The following PCDH15 variants were observed in gnomAD, a reference collection of about 807,000 sequenced individuals.
PCDH15 encodes protocadherin related 15.
In PCDH15, 129 loss-of-function variants were observed where a neutral mutation model predicts 178.5. The observed-to-expected ratio is 0.72, with a 90% CI of 0.63 to 0.84. The LOEUF is 0.84. Ranked by LOEUF, PCDH15 falls within the 40% of genes least tolerant of loss-of-function variation. PCDH15 has a pLI of 0.00. For missense variants in PCDH15, 2,230 were observed against 2,099.9 expected, an observed-to-expected ratio of 1.06 and a Z score of -1.21; for synonymous variants, 800 against 732.0, an observed-to-expected ratio of 1.09 and a Z score of -1.50.
chr10:54,989,222 G>C (rs1006702394), intron 2 of PCDH15, among the ~76,000 whole-genome samples: 3 of 152,156 alleles, frequency 2.0e-5, no homozygotes, highest in African/African-American at 7.2e-5. Context: ...GCAGGGGTGG[G>C]GCCTTCATGA....
chr10:54,653,129 T>C (rs1275182181), intron 2 of PCDH15, among the ~76,000 whole-genome samples: 1 of 152,150 alleles, frequency 6.6e-6, no homozygotes, highest in South Asian at 2.1e-4. Flanking sequence ...CAAGAACAGA[T>C]GACTTAGATC....
At chr10:54,449,187 C>T (rs2076318868) in intron 3 of PCDH15, among the ~76,000 whole-genome samples, 1 of 151,714 alleles carries the variant, frequency 6.6e-6, no homozygotes, top group Admixed American at 6.6e-5. Context: ...ACTGACTCTT[C>T]CTTAGGTTTC....
intron 3 of PCDH15, among the ~76,000 whole-genome samples, chr10:54,818,335 T>C (rs929742824): frequency 6.6e-6 from 1 of 152,068 alleles, no homozygotes; most frequent in Non-Finnish European, 1.5e-5. Flanking sequence ...AAATCGTGCT[T>C]TCCAGACTAG....
chr10:55,506,427 A>G (rs892351741), intron 2 of PCDH15: 1 of 151,520 alleles, frequency 6.6e-6, no homozygotes, highest in Non-Finnish European at 1.5e-5. Flanking sequence ...GGATAATACT[A>G]TTTGTGTGTG....
chr10:53,822,023 A>G (rs1265145868), intron 32 of PCDH15: 2 of 1,613,832 alleles, frequency 1.2e-6, no homozygotes, highest in South Asian at 2.2e-5. Flanking sequence ...TTTCTATTTG[A>G]CTGTACATGT....
At chr10:54,299,195 AAGAGGAGGAGACAGAG>A (rs1418582922) in intron 8 of PCDH15, among the ~76,000 whole-genome samples, 1 of 152,068 alleles carries the variant, frequency 6.6e-6, no homozygotes, top group Non-Finnish European at 1.5e-5. Flanking sequence ...CAGAGAGACA[AAGAGGAGGAGACAGAG>A]AGAGGAAGAG....
chr10:54,231,052 C>T (rs967681593), intron 9 of PCDH15, among the ~76,000 whole-genome samples: 1 of 152,110 alleles, frequency 6.6e-6, no homozygotes, highest in Non-Finnish European at 1.5e-5. Flanking sequence ...CAATTAGAAG[C>T]AGAAATTTCA....
intron 2 of PCDH15, among the ~76,000 whole-genome samples, chr10:55,414,883 T>C (rs1461928237): frequency 1.3e-5 from 2 of 151,542 alleles, no homozygotes; most frequent in East Asian, 3.9e-4. Context: ...AGGATAGTTT[T>C]ACTTCTTCCT....
intron 15 of PCDH15, among the ~76,000 whole-genome samples, chr10:54,112,629 G>C (rs938739901): frequency 2.0e-5 from 3 of 152,110 alleles, no homozygotes; most frequent in Non-Finnish European, 4.4e-5. Context: ...CCCCTGCTCT[G>C]AGGATTTGGT....
At chr10:55,450,955 CTA>C (rs56986885) in intron 2 of PCDH15, among the ~76,000 whole-genome samples, 1,917 of 122,286 alleles carry the variant, frequency 0.016, 58 homozygotes, top group African/African-American at 0.057. Context: ...GGGGTAAGAA[CTA>C]TATATATATA....
In PCDH15 at chr10:55,135,746, C is replaced by T. The variant is rs1034261147; in HGVS notation, c.-80+30830G>A. On this transcript the variant is annotated intron_variant, in intron 2 of 5. Transcript: ENST00000458638. ...TACAGGCACACACCACCCTGCCTGGCTAATTTTTTGTATTTTTAGTAGAAA... is the reference window on the plus strand; with the variant it reads ...TACAGGCACACACCACCCTGCCTGGTTAATTTTTTGTATTTTTAGTAGAAA... 2.6e-5 allele frequency among the ~76,000 whole-genome samples: 4 copies of T among 151,730 alleles called. No homozygotes were observed. The East Asian group carries it at 5.9e-4, about 22-fold the overall frequency.
chr10:54,945,874 C>T (rs1481807851), intron 2 of PCDH15, among the ~76,000 whole-genome samples: 1 of 151,704 alleles, frequency 6.6e-6, no homozygotes, highest in Admixed American at 6.6e-5. Context: ...AAGTGTTGTA[C>T]TTTTGTTGTA....
At chr10:53,886,934 G>A (rs972079588) in intron 26 of PCDH15, among the ~76,000 whole-genome samples, 3 of 152,006 alleles carry the variant, frequency 2.0e-5, no homozygotes, top group East Asian at 3.9e-4. Flanking sequence ...CTTTATCAAC[G>A]CCCTATATTA....
In PCDH15 at chr10:55,008,884, TA is replaced by T. The variant is rs201027163; in HGVS notation, c.-79-111385del. The stretch of plus-strand genomic sequence containing the variant: ...CTGCTGCCCATTCCTTGATCTTGTT[TA>T]AAAAACAAAAACAAAAACAAAAACA... On this transcript the variant is annotated intron_variant, in intron 2 of 5. Coordinates refer to the PCDH15 transcript ENST00000458638. 1.2e-4 allele frequency among the ~76,000 whole-genome samples: 14 copies of T among 114,946 alleles called. No individual in the cohort carries two copies. In the South Asian group the frequency reaches 1.5e-3, roughly 12 times the overall value. The allele number at this position is 114,946 out of a possible 152,430, so 75.4% of individuals were successfully genotyped here.
intron 11 of PCDH15, among the ~76,000 whole-genome samples, chr10:54,187,594 G>C (rs531793753): frequency 6.6e-6 from 1 of 151,934 alleles, no homozygotes; most frequent in East Asian, 1.9e-4. Flanking sequence ...AACTGTCTCA[G>C]TTTCTTGAGT....
intron 2 of PCDH15, among the ~76,000 whole-genome samples, chr10:54,918,325 G>GAA (rs143124091): frequency 2.0e-5 from 3 of 150,578 alleles, no homozygotes; most frequent in African/African-American, 7.3e-5. Flanking sequence ...AGAAGTTATA[G>GAA]AAAAAAAAAT....
intron 1 of PCDH15, among the ~76,000 whole-genome samples, chr10:54,762,669 A>C (rs1948038550): frequency 1.3e-5 from 2 of 152,112 alleles, no homozygotes; most frequent in Admixed American, 6.6e-5. Context: ...GTAAACACTT[A>C]TGAAATTCTT....
chr10:54,166,676 T>C (rs938312326), intron 13 of PCDH15, among the ~76,000 whole-genome samples: 3 of 152,194 alleles, frequency 2.0e-5, no homozygotes, highest in African/African-American at 7.2e-5. Flanking sequence ...ACATTATAAC[T>C]GTCAGGCCTC....
At chr10:54,979,815 C>CATAAAATAT (rs56971852) in intron 2 of PCDH15, among the ~76,000 whole-genome samples, 1 of 151,484 alleles carries the variant, frequency 6.6e-6, no homozygotes, top group Non-Finnish European at 1.5e-5. Context: ...CCATATTCTA[C>CATAAAATAT]GTGTAACATA....
Sources: allele counts gnomAD v4.1 joint callset (sites outside exome capture counted in the v4.1 genomes callset), GRCh38; gene constraint gnomAD v4.1.1; transcripts MANE v1.5; gene names NCBI Gene and HGNC (gene_info 2026-07-23, HGNC 2026-07-21).